The following ADAM22 variants were observed in gnomAD, a reference collection of about 807,000 sequenced individuals.
ADAM22 encodes the protein ADAM metallopeptidase domain 22, also known as disintegrin and metalloproteinase domain-containing protein 22.
In ADAM22, 65 loss-of-function variants were observed where a neutral mutation model predicts 144.6. The ratio of observed to expected loss-of-function variants is 0.45; its 90% CI spans 0.37 to 0.55. The LOEUF (loss-of-function observed/expected upper bound fraction) is 0.55, where lower values mean the gene tolerates loss of function less well. Among genes scored for constraint, ADAM22 ranks in the 20% least tolerant of loss-of-function variants. The pLI, the probability that ADAM22 is intolerant of heterozygous loss-of-function variation, is 0.00. For synonymous variants in ADAM22, 391 were observed against 412.6 expected, an observed-to-expected ratio of 0.95 and a Z score of 0.63; for missense variants, 974 against 1,184.9, an observed-to-expected ratio of 0.82 and a Z score of 2.61.
intron 26 of ADAM22, among the ~76,000 whole-genome samples, chr7:88,173,477 C>T (rs1055424315): frequency 5.9e-5 from 9 of 151,958 alleles, no homozygotes; most frequent in African/African-American, 1.9e-4. Flanking sequence ...GACTTTAGAT[C>T]AGGAAGTTGT....
intron 3 of ADAM22, among the ~76,000 whole-genome samples, chr7:88,016,887 G>A (rs1796657909): frequency 6.6e-6 from 1 of 152,206 alleles, no homozygotes; most frequent in Admixed American, 6.5e-5. Flanking sequence ...GGAAGCTGAG[G>A]CAGGAGTATT....
chr7:88,096,655 A>G (rs954307181), intron 4 of ADAM22, among the ~76,000 whole-genome samples: 7 of 152,078 alleles, frequency 4.6e-5, no homozygotes, highest in Admixed American at 3.3e-4. Flanking sequence ...TTTAAATTCT[A>G]TTCCTTTGTG....
At chr7:88,171,462 T>C in intron 25 of ADAM22, 82 bp from the exon 26 acceptor site, 1 of 1,263,300 alleles carries the variant, frequency 7.9e-7, no homozygotes, top group South Asian at 1.4e-5. Flanking sequence ...AGAGCTTTTA[T>C]GTTTAGAGCT....
intron 31 of ADAM22, 39 bp from the exon 32 acceptor site, chr7:88,196,432 C>A (rs765290998): frequency 7.4e-6 from 12 of 1,612,858 alleles, no homozygotes; most frequent in Non-Finnish European, 1.0e-5. Flanking sequence ...CTGCTTCCTG[C>A]TTTCACAATG....
At position 88,075,589 on chromosome 7, in the gene ADAM22, G is replaced by T. The variant is rs757815523; in HGVS notation, c.324-37G>T. 31 of 1,583,244 alleles carry T rather than the reference G, an allele frequency of 2.0e-5. No individual in the cohort carries two copies. The Admixed American group carries it at 4.0e-4, about 21-fold the overall frequency. ...TGATTTTCGTGTTTTACATTTTTGG[G>T]ATCCTCTTTAGTCATCATTTATTTT... is the stretch of plus-strand genomic sequence containing the variant. On this transcript the variant is annotated intron_variant, in intron 3 of 31. Coordinates refer to ENST00000413139, the MANE Select transcript of ADAM22 (RefSeq NM_001324418.2).
intron 3 of ADAM22, among the ~76,000 whole-genome samples, chr7:88,031,391 T>C (rs977319399): frequency 6.6e-6 from 1 of 152,182 alleles, no homozygotes; most frequent in African/African-American, 2.4e-5. Context: ...AAAATGCTGA[T>C]AGTGATATGG....
intron 2 of ADAM22, among the ~76,000 whole-genome samples, chr7:87,971,076 A>T (rs1467808764): frequency 6.6e-6 from 1 of 152,102 alleles, no homozygotes; most frequent in Non-Finnish European, 1.5e-5. Flanking sequence ...ATATATATAT[A>T]TGTTTAACTA....
intron 4 of ADAM22, among the ~76,000 whole-genome samples, chr7:88,098,617 C>A (rs1359118953): frequency 6.6e-6 from 1 of 152,020 alleles, no homozygotes; most frequent in Non-Finnish European, 1.5e-5. Flanking sequence ...AAAGTTATGG[C>A]CCCTATATTT....
intron 3 of ADAM22, among the ~76,000 whole-genome samples, chr7:88,027,390 A>G (rs1799237950): frequency 1.3e-5 from 2 of 152,204 alleles, no homozygotes; most frequent in Admixed American, 6.6e-5. Flanking sequence ...AGACTTTTTA[A>G]TTACAGTTTT....
Position 88,111,955 on chromosome 7 carries a change from A to C in ADAM22, c.474-2629A>C, listed in dbSNP as rs544409209. ...CTTTCTCATTGGACATTAACCTAGT[A>C]TAAGGATAAATAACACTCAGTACTA... On this transcript the variant is annotated intron_variant, in intron 5 of 31. Coordinates refer to ENST00000413139, the MANE Select transcript of ADAM22 (RefSeq NM_001324418.2). Among the ~76,000 whole-genome samples, 103 of 152,344 alleles carry C rather than the reference A, an allele frequency of 6.8e-4. 2 individuals are homozygous for C. In the South Asian group the frequency reaches 0.02, roughly 30 times the overall value.
intron 2 of ADAM22, among the ~76,000 whole-genome samples, chr7:87,967,194 G>T (rs548646394): frequency 2.8e-4 from 43 of 152,286 alleles, no homozygotes; most frequent in African/African-American, 9.4e-4. Flanking sequence ...AAATTACCCA[G>T]TCTCAGGTAT....
At chr7:88,015,952 T>A (rs898401303) in intron 3 of ADAM22, among the ~76,000 whole-genome samples, 1 of 152,118 alleles carries the variant, frequency 6.6e-6, no homozygotes, top group Non-Finnish European at 1.5e-5. Context: ...TTTTTTTAAT[T>A]TTTCTTCATA....
intron 3 of ADAM22, among the ~76,000 whole-genome samples, chr7:88,022,729 G>A (rs1798111439): frequency 1.3e-5 from 2 of 151,966 alleles, no homozygotes; most frequent in South Asian, 4.2e-4. Context: ...TTTTACATAG[G>A]ATGATTTTAA....
chr7:87,966,721 G>GTTTTTTTTT (rs71120012), intron 2 of ADAM22, among the ~76,000 whole-genome samples: 634 of 39,894 alleles, frequency 0.016, 174 homozygotes, highest in East Asian at 0.041. Context: ...AAGGAAAGCC[G>GTTTTTTTTT]TTTTTTTTTT....
At chr7:87,941,358 G>C (rs1039266266) in intron 2 of ADAM22, among the ~76,000 whole-genome samples, 2 of 152,198 alleles carry the variant, frequency 1.3e-5, no homozygotes, top group African/African-American at 2.4e-5. Flanking sequence ...CCTGTGCATG[G>C]ATGAGCTGTA....
At chr7:88,076,099 G>A (rs1470715113) in intron 4 of ADAM22, among the ~76,000 whole-genome samples, 6 of 152,060 alleles carry the variant, frequency 3.9e-5, no homozygotes, top group Middle Eastern at 3.2e-3. Context: ...CTGCAACAGC[G>A]CGATCTCGGC....
chr7:87,978,886 C>G (rs757202936), intron 3 of ADAM22, among the ~76,000 whole-genome samples: 3 of 152,128 alleles, frequency 2.0e-5, no homozygotes, highest in Admixed American at 2.0e-4. Context: ...GTTTCTGGTA[C>G]TGGGATTATC....
intron 29 of ADAM22, among the ~76,000 whole-genome samples, chr7:88,185,625 C>T (rs1320718408): frequency 1.3e-5 from 2 of 151,990 alleles, no homozygotes; most frequent in African/African-American, 4.8e-5. Flanking sequence ...GTTAAATCTA[C>T]ATTATTTTAC....
intron 3 of ADAM22, among the ~76,000 whole-genome samples, chr7:88,016,815 A>C (rs1585037080): frequency 6.6e-6 from 1 of 152,192 alleles, no homozygotes; most frequent in African/African-American, 2.4e-5. Flanking sequence ...GAGGTTGGTA[A>C]ATGGATACAA....
Sources: gnomAD v4.1 joint callset for allele counts (sites outside exome capture counted in the v4.1 genomes callset) on GRCh38, gnomAD v4.1.1 for gene constraint, MANE v1.5 for transcripts, NCBI Gene and HGNC (gene_info 2026-07-23, HGNC 2026-07-21) for gene names.